CEP85L: variants seen among roughly 807,000 people sequenced by gnomAD.
CEP85L encodes the protein centrosomal protein of 85 kDa-like.
Under a neutral mutation model 100.3 loss-of-function variants are expected in CEP85L, and 60 were observed. The ratio of observed to expected loss-of-function variants is 0.60; its 90% CI spans 0.49 to 0.74. The LOEUF (loss-of-function observed/expected upper bound fraction) is 0.74. CEP85L is among the 30% of genes least tolerant of loss of function. CEP85L has a pLI of 0.00. For missense variants in CEP85L, 973 were observed against 936.2 expected (o/e 1.04, Z -0.51); for synonymous variants, 319 against 322.7 (o/e 0.99, Z 0.12).
chr6:118,698,136 C>A (rs1460980190), intron 1 of CEP85L, among the ~76,000 whole-genome samples: 2 of 152,196 alleles, frequency 1.3e-5, no homozygotes, highest in African/African-American at 2.4e-5. Flanking sequence ...AGCTGAAGGG[C>A]ACACAAAATG....
chr6:118,605,634 A>T (rs1242292677), intron 2 of CEP85L, among the ~76,000 whole-genome samples: 5 of 152,136 alleles, frequency 3.3e-5, no homozygotes, highest in African/African-American at 1.2e-4. Context: ...TTTTCCCTAA[A>T]CAGGGTCTGT....
chr6:118,628,496 GAAAAT>G (rs1386372436), intron 2 of CEP85L, among the ~76,000 whole-genome samples: 1 of 151,138 alleles, frequency 6.6e-6, no homozygotes, highest in African/African-American at 2.4e-5. Context: ...TCTTAAAACT[GAAAAT>G]AAAGAGAAAA....
At chr6:118,646,269 A>AT (rs1775182954) in intron 1 of CEP85L, among the ~76,000 whole-genome samples, 1 of 75,820 alleles carries the variant, frequency 1.3e-5, no homozygotes, top group African/African-American at 4.7e-5. Flanking sequence ...GATCATGCCC[A>AT]TCCTTAAATG....
chr6:118,700,449 T>C (rs1404806190), intron 1 of CEP85L, among the ~76,000 whole-genome samples: 1 of 152,232 alleles, frequency 6.6e-6, no homozygotes, highest in East Asian at 1.9e-4. Context: ...GAATCTCCAA[T>C]AAGTGTATCC....
chr6:118,517,626 G>A (rs1057248311), intron 4 of CEP85L, among the ~76,000 whole-genome samples: 1 of 152,214 alleles, frequency 6.6e-6, no homozygotes, highest in Non-Finnish European at 1.5e-5. Flanking sequence ...ATCGGCTCAA[G>A]GAGATTTTGG....
chr6:118,464,410 T>C lies in CEP85L; in HGVS notation c.*995A>G, dbSNP rs181659316. On this transcript the variant is annotated 3_prime_UTR_variant, in exon 13 of 13. Transcript: ENST00000368491. ...ATGTTTATGCTACTGTTGATTCAGA[T>C]ATAAATAGTATTGGCTTTCTCTTAC... is the stretch of plus-strand genomic sequence containing the variant. The C allele has an allele frequency of 3.3e-5, 5 of 152,246 alleles. No homozygotes were observed. The highest frequency in any genetic ancestry group is 9.6e-5 in the African/African-American group (4 of 41,576). 9.4% of individuals were successfully genotyped at this position (152,246 alleles called of 1,614,324 possible).
intron 1 of CEP85L, chr6:118,647,156 T>G: frequency 1.4e-6 from 1 of 697,108 alleles, no homozygotes; most frequent in Non-Finnish European, 1.8e-6. Context: ...TATTATTAGT[T>G]GTAACCATAC....
chr6:118,599,771 A>T (rs1781632559), intron 2 of CEP85L, among the ~76,000 whole-genome samples: 1 of 152,230 alleles, frequency 6.6e-6, no homozygotes. Flanking sequence ...TATCTGTAGT[A>T]TTCTTGCCAA....
At chr6:118,607,588 A>G (rs1772314944) in intron 2 of CEP85L, among the ~76,000 whole-genome samples, 1 of 152,148 alleles carries the variant, frequency 6.6e-6, no homozygotes, top group Non-Finnish European at 1.5e-5. Context: ...AGGGGACTCT[A>G]ATCCTCCTAA....
chr6:118,484,358 T>A (rs1774020233), intron 6 of CEP85L, among the ~76,000 whole-genome samples: 1 of 152,106 alleles, frequency 6.6e-6, no homozygotes, highest in South Asian at 2.1e-4. Flanking sequence ...CTTAAAAAAA[T>A]TTATGTCACT....
At chr6:118,705,513 G>T (rs1777566892) in intron 1 of CEP85L, among the ~76,000 whole-genome samples, 1 of 152,206 alleles carries the variant, frequency 6.6e-6, no homozygotes, top group Non-Finnish European at 1.5e-5. Flanking sequence ...CTAGTAAAAG[G>T]TTTCCATTAG....
intron 2 of CEP85L, among the ~76,000 whole-genome samples, chr6:118,611,874 A>C (rs1190131075): frequency 2.7e-5 from 4 of 150,098 alleles, no homozygotes; most frequent in Non-Finnish European, 6.0e-5. Context: ...GAAATAAAAA[A>C]ATACACAAAT....
chr6:118,524,167 A>G (rs541843148), intron 3 of CEP85L, among the ~76,000 whole-genome samples: 1 of 152,306 alleles, frequency 6.6e-6, no homozygotes, highest in South Asian at 2.1e-4. Flanking sequence ...TTATAAAACT[A>G]TATAAGATCT....
intron 12 of CEP85L, among the ~76,000 whole-genome samples, chr6:118,467,680 A>G (rs1315576130): frequency 1.3e-5 from 2 of 152,224 alleles, no homozygotes; most frequent in Non-Finnish European, 2.9e-5. Context: ...AAAATGTAGG[A>G]GACTCTAAAG....
At chr6:118,527,608 T>C (rs1472145274) in intron 3 of CEP85L, among the ~76,000 whole-genome samples, 1 of 152,182 alleles carries the variant, frequency 6.6e-6, no homozygotes, top group East Asian at 1.9e-4. Context: ...AGTCATTTGA[T>C]AAAATCTCTT....
chr6:118,652,182 AG>A (rs1775609655), upstream of CEP85L, among the ~76,000 whole-genome samples: 1 of 151,970 alleles, frequency 6.6e-6, no homozygotes, highest in African/African-American at 2.4e-5. Flanking sequence ...CCCGAGGGGG[AG>A]AGGGGCCGTC....
intron 2 of CEP85L, among the ~76,000 whole-genome samples, chr6:118,611,539 T>C (rs1772613543): frequency 6.6e-6 from 1 of 152,184 alleles, no homozygotes; most frequent in East Asian, 1.9e-4. Flanking sequence ...ATGGTCTAAA[T>C]ATACCAATTA....
At chr6:118,508,164 T>C (rs377408871) in intron 5 of CEP85L, among the ~76,000 whole-genome samples, 61 of 152,104 alleles carry the variant, frequency 4.0e-4, no homozygotes, top group African/African-American at 1.4e-3. Flanking sequence ...AGGAGGCTCA[T>C]TTGCAAAGGT....
chr6:118,691,255 A>G (rs1777033770), intron 1 of CEP85L, among the ~76,000 whole-genome samples: 1 of 152,004 alleles, frequency 6.6e-6, no homozygotes, highest in African/African-American at 2.4e-5. Context: ...TCTCTAGGCC[A>G]GGCATGGTAG....
Sources: allele counts gnomAD v4.1 joint callset (sites outside exome capture counted in the v4.1 genomes callset), GRCh38; gene constraint gnomAD v4.1.1; transcripts MANE v1.5; gene names NCBI Gene and HGNC (gene_info 2026-07-23, HGNC 2026-07-21).